The following GUCY1A2 variants were observed in gnomAD, a reference collection of about 807,000 sequenced individuals.
GUCY1A2 encodes the protein guanylate cyclase soluble subunit alpha-2.
In GUCY1A2, 27 loss-of-function variants were observed where a neutral mutation model predicts 63.5. The ratio of observed to expected loss-of-function variants is 0.43; its 90% CI spans 0.31 to 0.59. The LOEUF (loss-of-function observed/expected upper bound fraction) is 0.59. GUCY1A2 is among the 20% of genes least tolerant of loss of function. The pLI, the probability that GUCY1A2 is intolerant of heterozygous loss-of-function variation, is 0.11. For missense variants in GUCY1A2, 768 were observed against 913.3 expected, an observed-to-expected ratio of 0.84 and a Z score of 2.05; for synonymous variants, 364 against 343.5, an observed-to-expected ratio of 1.06 and a Z score of -0.66.
At chr11:106,807,523 C>G (rs560641528) in intron 5 of GUCY1A2, among the ~76,000 whole-genome samples, 1 of 152,164 alleles carries the variant, frequency 6.6e-6, no homozygotes, top group African/African-American at 2.4e-5. Context: ...CTCCCAAACT[C>G]AACCTCCCTA....
intron 7 of GUCY1A2, among the ~76,000 whole-genome samples, chr11:106,699,671 A>C (rs1862783207): frequency 6.6e-6 from 1 of 152,252 alleles, no homozygotes; most frequent in South Asian, 2.1e-4. Flanking sequence ...AATGGGACCT[A>C]AAGAAAAACA....
rs767410959 is a variant in GUCY1A2 at position 107,017,969 on chromosome 11, G to A, written c.87C>T (p.Cys29=). 6.9e-6 allele frequency: 10 copies of A among 1,442,782 alleles called. No individual in the cohort carries two copies. The South Asian group carries it at 7.2e-5, about 10-fold the overall frequency. 89.4% of individuals were successfully genotyped at this position (1,442,782 alleles called of 1,614,324 possible). ...CATTCCAGCAGAGCCTAGACAGGGG[G>A]CACTCCCCCTCCTCCTCCGGGCTGG... ...LETSPEEEGE[C]PLSRLCWNGS... Residue 29 remains cysteine (C), a synonymous_variant, in exon 1 of 8, where the codon TGC becomes TGT. Transcript: ENST00000526355.
chr11:106,824,575 T>C (rs1487683642), intron 4 of GUCY1A2, among the ~76,000 whole-genome samples: 1 of 152,104 alleles, frequency 6.6e-6, no homozygotes, highest in Non-Finnish European at 1.5e-5. Context: ...TCAAGTGCCA[T>C]TGTGTCTAAG....
At chr11:106,787,854 A>T (rs970753301) in intron 5 of GUCY1A2, among the ~76,000 whole-genome samples, 38 of 152,048 alleles carry the variant, frequency 2.5e-4, no homozygotes, top group African/African-American at 8.9e-4. Flanking sequence ...ATGGGAGTGC[A>T]GGTATCTCTT....
At chr11:106,814,106 T>G (rs1858799945) in intron 4 of GUCY1A2, among the ~76,000 whole-genome samples, 1 of 152,066 alleles carries the variant, frequency 6.6e-6, no homozygotes, top group Admixed American at 6.6e-5. Flanking sequence ...TAAATCAATG[T>G]GATGGCAAAA....
intron 6 of GUCY1A2, among the ~76,000 whole-genome samples, chr11:106,708,937 T>A (rs567558747): frequency 5.1e-4 from 77 of 151,356 alleles, no homozygotes; most frequent in Non-Finnish European, 8.1e-4. Flanking sequence ...CTGGTTATGT[T>A]ACAGGTTAAA....
intron 1 of GUCY1A2, among the ~76,000 whole-genome samples, chr11:107,013,401 C>T (rs1252993795): frequency 1.3e-5 from 2 of 152,176 alleles, no homozygotes; most frequent in Non-Finnish European, 2.9e-5. Context: ...AGAATAAAAT[C>T]CAAATAAATA....
At chr11:106,829,170 G>GT (rs1859017732) in intron 4 of GUCY1A2, among the ~76,000 whole-genome samples, 1 of 152,186 alleles carries the variant, frequency 6.6e-6, no homozygotes, top group Non-Finnish European at 1.5e-5. Flanking sequence ...AATTTTCAAA[G>GT]TTTCCACATA....
chr11:106,709,194 A>G (rs1463282824), intron 6 of GUCY1A2, among the ~76,000 whole-genome samples: 3 of 128,736 alleles, frequency 2.3e-5, no homozygotes, highest in African/African-American at 5.8e-5. Context: ...ATATAACTAT[A>G]TATAATATAC....
chr11:106,957,854 ACTTTTTTTTTTTT>A (rs2120051104), intron 3 of GUCY1A2, among the ~76,000 whole-genome samples: 1 of 95,934 alleles, frequency 1.0e-5, no homozygotes, highest in East Asian at 3.0e-4. Flanking sequence ...AAAGGGACAA[ACTTTTTTTTTTTT>A]TTTTTTTTTT....
chr11:106,732,192 G>A (rs1442195201), intron 6 of GUCY1A2, among the ~76,000 whole-genome samples: 4 of 152,030 alleles, frequency 2.6e-5, no homozygotes, highest in African/African-American at 9.7e-5. Context: ...CAGACCAATG[G>A]AACAGATAAG....
At chr11:106,870,112 G>C (rs531918197) in intron 4 of GUCY1A2, among the ~76,000 whole-genome samples, 2 of 129,150 alleles carry the variant, frequency 1.5e-5, no homozygotes, top group Non-Finnish European at 3.3e-5. Context: ...TTGTGAGGGG[G>C]GGGGAGGGGG....
chr11:106,878,484 G>A (rs1206981701), intron 4 of GUCY1A2, among the ~76,000 whole-genome samples: 1 of 152,040 alleles, frequency 6.6e-6, no homozygotes, highest in East Asian at 1.9e-4. Flanking sequence ...CAGGAACACA[G>A]ATGGACCTGG....
intron 1 of GUCY1A2, among the ~76,000 whole-genome samples, chr11:106,995,895 A>C (rs1311409059): frequency 6.6e-6 from 1 of 152,216 alleles, no homozygotes; most frequent in Non-Finnish European, 1.5e-5. Context: ...TCTTTCAGAC[A>C]CCTTTGTGGC....
chr11:106,895,621 G>A (rs748777178), intron 4 of GUCY1A2, among the ~76,000 whole-genome samples: 10 of 152,116 alleles, frequency 6.6e-5, no homozygotes, highest in Admixed American at 5.9e-4. Flanking sequence ...CTTCTGCCAT[G>A]ATTGTGAGGC....
intron 4 of GUCY1A2, among the ~76,000 whole-genome samples, chr11:106,930,947 T>C (rs1174156186): frequency 1.3e-5 from 2 of 152,174 alleles, no homozygotes; most frequent in Non-Finnish European, 2.9e-5. Flanking sequence ...ATAGAAAGGA[T>C]AAAGTCAAGT....
chr11:106,838,041 C>T (rs1454008616), intron 4 of GUCY1A2, among the ~76,000 whole-genome samples: 1 of 151,922 alleles, frequency 6.6e-6, no homozygotes, highest in African/African-American at 2.4e-5. Context: ...ATGTGCTTTT[C>T]TCCAATCCTG....
chr11:107,000,806 A>G (rs1263852284), intron 1 of GUCY1A2, among the ~76,000 whole-genome samples: 1 of 152,222 alleles, frequency 6.6e-6, no homozygotes, highest in African/African-American at 2.4e-5. Context: ...TCCTTAAGCC[A>G]AAAAGCAAAT....
intron 4 of GUCY1A2, among the ~76,000 whole-genome samples, chr11:106,847,231 C>CAAAA (rs57752458): frequency 7.1e-6 from 1 of 141,448 alleles, no homozygotes; most frequent in Non-Finnish European, 1.5e-5. Context: ...TTGCAAAACT[C>CAAAA]AAAAAAAAAA....
Sources: gnomAD v4.1 joint callset for allele counts (sites outside exome capture counted in the v4.1 genomes callset) on GRCh38, gnomAD v4.1.1 for gene constraint, MANE v1.5 for transcripts, NCBI Gene and HGNC (gene_info 2026-07-23, HGNC 2026-07-21) for gene names.